Variants in DOP1A observed in about 807,000 individuals in gnomAD.
The protein encoded by DOP1A is protein DOP1A.
A neutral mutation model predicts 267.6 loss-of-function variants in DOP1A; 90 were observed. The observed-to-expected ratio is 0.34, with a 90% CI of 0.28 to 0.40. The LOEUF is 0.40. Ranked by LOEUF, DOP1A falls within the 10% of genes least tolerant of loss-of-function variation. The pLI, the probability that DOP1A is intolerant of heterozygous loss-of-function variation, is 1.00. For synonymous variants in DOP1A, 932 were observed against 999.1 expected, an observed-to-expected ratio of 0.93 and a Z score of 1.27; for missense variants, 2,437 against 2,900.4, an observed-to-expected ratio of 0.84 and a Z score of 3.67.
rs773641474 is a variant in DOP1A, at chr6:83,134,302, A to G, written c.2870+15A>G. On this transcript the variant is annotated intron_variant, in intron 19 of 38. Transcript: ENST00000349129. Reference sequence around the variant, plus strand: ...TCTTTTGACAGGTCAGTTACATTTTATATTAAGATTTCACAGTCATATATC... The same window carrying G: ...TCTTTTGACAGGTCAGTTACATTTTGTATTAAGATTTCACAGTCATATATC... The G allele has an allele frequency of 1.2e-6, 2 of 1,602,876 alleles. No homozygotes were observed. Among genetic ancestry groups the G allele is most frequent in the South Asian group, 2.2e-5 (2 of 89,906 alleles).
chr6:83,080,399 C>A (rs543685898), intron 1 of DOP1A, among the ~76,000 whole-genome samples: 3 of 152,058 alleles, frequency 2.0e-5, no homozygotes, highest in Non-Finnish European at 4.4e-5. Flanking sequence ...GGAAAACTTC[C>A]TTGATATATT....
intron 1 of DOP1A, among the ~76,000 whole-genome samples, chr6:83,088,359 A>C (rs1769692147): frequency 6.6e-6 from 1 of 151,768 alleles, no homozygotes; most frequent in Non-Finnish European, 1.5e-5. Flanking sequence ...ACAGAGCATC[A>C]GGTTTATAAT....
At chr6:83,140,426 T>C in intron 23 of DOP1A, 23 bp downstream of exon 23, 1 of 1,561,288 alleles carries the variant, frequency 6.4e-7, no homozygotes, top group South Asian at 1.2e-5. Flanking sequence ...ATATTTAATC[T>C]GTAGAGCTCA....
intron 26 of DOP1A, among the ~76,000 whole-genome samples, chr6:83,148,514 C>T (rs532842777): frequency 2.2e-4 from 34 of 152,040 alleles, no homozygotes; most frequent in African/African-American, 7.2e-4. Flanking sequence ...GCAGGTGGAT[C>T]GCTTGATCCC....
intron 16 of DOP1A, 67 bp from the exon 17 acceptor site, chr6:83,130,056 A>G: frequency 6.5e-7 from 1 of 1,538,614 alleles, no homozygotes; most frequent in Non-Finnish European, 8.7e-7. Flanking sequence ...GTTTTTTGAA[A>G]TTAACTTAGA....
At chr6:83,077,253 A>G (rs1404776725) in intron 1 of DOP1A, among the ~76,000 whole-genome samples, 2 of 152,104 alleles carry the variant, frequency 1.3e-5, no homozygotes, top group African/African-American at 4.8e-5. Context: ...TGTAATCCCA[A>G]CACTTTGGAA....
Position 83,138,602 on chromosome 6 carries a change from T to C in DOP1A, c.4560T>C (p.Ser1520=), listed in dbSNP as rs746370068. 1.2e-6 allele frequency: 2 copies of C among 1,613,896 alleles called. No homozygotes were observed. Among genetic ancestry groups the C allele is most frequent in the South Asian group, 2.2e-5 (2 of 91,074 alleles). ...GFPSFISDML[S]KCKVQKVILH... ...CTAGTTTTATTTCTGATATGTTATC[T>C]AAGTGCAAAGTTCAGAAAGTGATTC... The change falls in exon 21 of 39, where the codon TCT becomes TCC. Residue 1520 remains serine, a synonymous_variant. Transcript: ENST00000349129.
In DOP1A at chr6:83,119,717, T is replaced by G. The variant is rs200434709; in HGVS notation, c.881-31T>G. On this transcript the variant is annotated intron_variant, in intron 8 of 38. Coordinates refer to ENST00000349129, the MANE Select transcript of DOP1A (RefSeq NM_015018.4). ...GAACAACAGTTTTGAGAATTCCATT[T>G]TAAGTAATTTTGTGATTTGTTTCCA... The G allele has an allele frequency of 7.5e-4, 1,191 of 1,582,208 alleles. 9 individuals carry two copies. In the African/African-American group the frequency reaches 0.015, roughly 20 times the overall value.
chr6:83,156,207 G>C (rs1782748298), intron 34 of DOP1A, 104 bp downstream of exon 34: 1 of 875,840 alleles, frequency 1.1e-6, no homozygotes, highest in Non-Finnish European at 1.7e-6. Context: ...ATCAAGTGTA[G>C]ATCAATCGGG....
At position 83,069,364 on chromosome 6, in the gene DOP1A, CT is replaced by C. The variant is rs138580913; in HGVS notation, c.-147+1588del. Among the ~76,000 whole-genome samples, 708 of 152,250 alleles carry C rather than the reference CT, an allele frequency of 4.7e-3. 6 individuals carry two copies. Among genetic ancestry groups the C allele is most frequent in the African/African-American group, 0.016 (656 of 41,568 alleles). On this transcript the variant is annotated intron_variant, in intron 1 of 38. Transcript: ENST00000349129. ...TTATAAAGGCAGGACTCTTCAAAAC[CT>C]TTACTGTTATGCTGATACATGTAAA...
intron 1 of DOP1A, among the ~76,000 whole-genome samples, chr6:83,077,840 C>T (rs1767384655): frequency 1.3e-5 from 2 of 152,218 alleles, no homozygotes; most frequent in South Asian, 2.1e-4. Flanking sequence ...ACATAAAATA[C>T]ACTAACACTT....
chr6:83,074,187 T>C (rs913677495), intron 1 of DOP1A, among the ~76,000 whole-genome samples: 2 of 152,186 alleles, frequency 1.3e-5, no homozygotes, highest in African/African-American at 4.8e-5. Flanking sequence ...TGAAAATTAA[T>C]GTACCAAACA....
intron 3 of DOP1A, among the ~76,000 whole-genome samples, chr6:83,099,774 T>C (rs1323080516): frequency 6.7e-6 from 1 of 150,162 alleles, no homozygotes; most frequent in Admixed American, 6.6e-5. Flanking sequence ...ATATATATGC[T>C]CTATTACATA....
intron 17 of DOP1A, among the ~76,000 whole-genome samples, chr6:83,130,749 CT>C (rs988236529): frequency 3.2e-4 from 47 of 146,228 alleles, no homozygotes; most frequent in Admixed American, 2.7e-4. Context: ...TTTTGCTTTT[CT>C]TTTTTTTTTT....
intron 25 of DOP1A, among the ~76,000 whole-genome samples, chr6:83,146,473 T>C (rs1182811693): frequency 6.6e-6 from 1 of 152,188 alleles, no homozygotes; most frequent in African/African-American, 2.4e-5. Context: ...GCATTTGTCA[T>C]AGGATTTTTA....
chr6:83,160,040 A>C, intron 37 of DOP1A, 80 bp downstream of exon 37: 1 of 1,385,750 alleles, frequency 7.2e-7, no homozygotes, highest in African/African-American at 1.4e-5. Context: ...ACTAATTAAA[A>C]AGTTTTTTGT....
chr6:83,092,765 A>G lies in DOP1A; in HGVS notation c.-146-3966A>G, dbSNP rs564343537. Among the ~76,000 whole-genome samples, 5 of 152,232 alleles carry G rather than the reference A, an allele frequency of 3.3e-5. No individual in the cohort carries two copies. The South Asian group carries it at 1.0e-3, about 32-fold the overall frequency. On this transcript the variant is annotated intron_variant, in intron 1 of 38. Coordinates refer to ENST00000349129, the MANE Select transcript of DOP1A (RefSeq NM_015018.4). ...AAAATAAGGGCACAAGCACTGTGCT[A>G]CCACAACAGTCAGTCTATAACCCAC...
chr6:83,085,964 G>A (rs1328335150), intron 1 of DOP1A, among the ~76,000 whole-genome samples: 1 of 152,166 alleles, frequency 6.6e-6, no homozygotes, highest in Non-Finnish European at 1.5e-5. Context: ...GGAATCAGTG[G>A]TGTGCTGGAG....
chr6:83,119,085 AAACT>A, intron 8 of DOP1A, 98 bp downstream of exon 8: 1 of 1,001,396 alleles, frequency 1.0e-6, no homozygotes, highest in Non-Finnish European at 1.5e-6. Flanking sequence ...CTGAATTTAA[AAACT>A]AAAATCTCTT....
Sources: allele counts gnomAD v4.1 joint callset (sites outside exome capture counted in the v4.1 genomes callset), GRCh38; gene constraint gnomAD v4.1.1; transcripts MANE v1.5; gene names NCBI Gene and HGNC (gene_info 2026-07-23, HGNC 2026-07-21).